The following VPS13D variants were observed in gnomAD, a reference collection of about 807,000 sequenced individuals.
The protein encoded by VPS13D is vacuolar protein sorting 13 homolog D.
A neutral mutation model predicts 461.9 loss-of-function variants in VPS13D; 187 were observed. The observed-to-expected ratio is 0.40, with a 90% CI of 0.36 to 0.46. The LOEUF is 0.46. VPS13D is among the 20% of genes least tolerant of loss of function. The pLI, the probability that VPS13D is intolerant of heterozygous loss-of-function variation, is 0.60. For synonymous variants in VPS13D, 1,951 were observed against 1,986.3 expected (o/e 0.98, Z 0.47); for missense variants, 4,711 against 5,364.9 (o/e 0.88, Z 3.81).
At chr1:12,375,377 T>C (rs545894930) in intron 55 of VPS13D, among the ~76,000 whole-genome samples, 362 of 152,356 alleles carry the variant, frequency 2.4e-3, no homozygotes, top group Middle Eastern at 6.8e-3. Context: ...GTGTGTTTTA[T>C]GTACATATTT....
intron 26 of VPS13D, among the ~76,000 whole-genome samples, chr1:12,306,956 G>C (rs1642583317): frequency 6.6e-6 from 1 of 152,206 alleles, no homozygotes; most frequent in African/African-American, 2.4e-5. Flanking sequence ...ACCTCCTACT[G>C]TGAGTACCTG....
Position 12,342,789 on chromosome 1 carries a change from T to C in VPS13D, c.8733-110T>C. ...TTTGTAGCTAGGTCATGCAGCCTTT[T>C]ATTGCTGGGAATTGAGTTGTGAGAA... On this transcript the variant is annotated intron_variant, in intron 41 of 69. Coordinates refer to ENST00000620676, the MANE Select transcript of VPS13D (RefSeq NM_015378.4). The C allele has an allele frequency of 3.8e-6, 5 of 1,315,064 alleles. No homozygotes were observed. The South Asian group carries it at 9.2e-5, about 24-fold the overall frequency. 81.5% of individuals were successfully genotyped at this position (1,315,064 alleles called of 1,614,324 possible).
rs1051412139 is a variant in VPS13D, at chr1:12,244,101, G to C, written c.176-145G>C. 5 of 743,824 alleles carry C rather than the reference G, an allele frequency of 6.7e-6. No homozygotes were observed. The African/African-American group carries it at 8.9e-5, about 13-fold the overall frequency. The allele number at this position is 743,824 out of a possible 1,614,324, so 46.1% of individuals were successfully genotyped here. On this transcript the variant is annotated intron_variant, in intron 3 of 69. Transcript: ENST00000620676. ...GCCTCCTAACACTTGTTTCACATGT[G>C]CAAGAGCCTGCTGCCTGTTGTTTTA...
chr1:12,354,202 A>G lies in VPS13D; in HGVS notation c.9660A>G (p.Thr3220=). 2 of 1,614,162 alleles carry G rather than the reference A, an allele frequency of 1.2e-6. No homozygotes were observed. The highest frequency in any genetic ancestry group is 1.6e-4 in the Middle Eastern group (1 of 6,062). ...GKEAALHTAD[T]SQNIELGVSL... is the part of the protein sequence containing the mutation. ...AGGCAGCTCTCCATACAGCTGATAC[A>G]TCCCAGAACATTGAGCTGGGTAAGA... is the stretch of plus-strand genomic sequence containing the variant. The change falls in exon 47 of 70, where the codon ACA becomes ACG. Residue 3220 remains threonine (T), a synonymous_variant. Coordinates refer to ENST00000620676, the MANE Select transcript of VPS13D (RefSeq NM_015378.4).
At chr1:12,259,737 A>G (rs999437594) in intron 10 of VPS13D, among the ~76,000 whole-genome samples, 4 of 152,224 alleles carry the variant, frequency 2.6e-5, no homozygotes, top group Admixed American at 6.5e-5. Context: ...AGTTCAGGAC[A>G]GCTAATTCCG....
rs140259348 is a variant in VPS13D at position 12,416,884 on chromosome 1, C to G, written c.12333+57C>G. The G allele has an allele frequency of 8.2e-4, 1,224 of 1,490,320 alleles. 5 individuals carry two copies. The African/African-American group carries it at 0.015, about 19-fold the overall frequency. The allele number at this position is 1,490,320 out of a possible 1,614,324, so 92.3% of individuals were successfully genotyped here. A position where few individuals can be genotyped will look rare whatever the true frequency, so the allele number is the denominator to read the frequency against. On this transcript the variant is annotated intron_variant, in intron 65 of 69. Coordinates refer to ENST00000620676, the MANE Select transcript of VPS13D (RefSeq NM_015378.4). Reference sequence around the variant, plus strand: ...TTAACCTCACGAGTCCTCTACAGTACTACAATTTCTTTTATAGTTAATGGG... The same window carrying G: ...TTAACCTCACGAGTCCTCTACAGTAGTACAATTTCTTTTATAGTTAATGGG...
In VPS13D at chr1:12,358,472, A is replaced by ATCGGAAGG. The variant is rs1379118005; in HGVS notation, c.10013_10020dup (p.Gly3341SerfsTer28). On this transcript the variant is annotated frameshift_variant, in exon 50 of 70. Transcript: ENST00000620676. LOFTEE classifies it high-confidence loss of function. Reference sequence around the variant, plus strand: ...TCTGCCCCACAGCTGCACGATGAGAATCGGAAGGGGGATTCATCCAGAAGG... The same window carrying ATCGGAAGG: ...TCTGCCCCACAGCTGCACGATGAGAATCGGAAGGTCGGAAGGGGGATTCATCCAGAAGG... 1 of 1,614,046 alleles carries ATCGGAAGG rather than the reference A, an allele frequency of 6.2e-7. No individual in the cohort carries two copies. The highest frequency in any genetic ancestry group is 8.5e-7 in the Non-Finnish European group (1 of 1,179,972).
At position 12,356,445 on chromosome 1, in the gene VPS13D, G is replaced by A; in HGVS notation, c.9919G>A (p.Gly3307Ser). ...GGACAATGCCAAGACAGATGCTGCA[G>A]GCCAGTTTGAGGAGCATGAGCTGGC... ...RQDNAKTDAAGQFEEHELARS... is the reference protein window; with the variant it reads ...RQDNAKTDAASQFEEHELARS... Residue 3307 changes from glycine (G) to serine (S), a missense_variant, in exon 49 of 70, where the codon GGC becomes AGC. By Grantham distance (56) the Gly-to-Ser change is moderately conservative (BLOSUM62 0). Transcript: ENST00000620676. 3 of 1,614,092 alleles carry A rather than the reference G, an allele frequency of 1.9e-6. No individual in the cohort carries two copies. Among genetic ancestry groups the A allele is most frequent in the Non-Finnish European group, 2.5e-6 (3 of 1,180,014 alleles).
At position 12,499,554 on chromosome 1, in the gene VPS13D, G is replaced by C. The variant is rs537544445; in HGVS notation, c.12794+1923G>C. 3 of 985,434 alleles carry C rather than the reference G, an allele frequency of 3.0e-6. No individual in the cohort carries two copies. The South Asian group carries it at 1.4e-4, about 46-fold the overall frequency. The allele number at this position is 985,434 out of a possible 1,614,324, so 61.0% of individuals were successfully genotyped here. ...ACACATTGAAAAACAGAGCCAGAGA[G>C]AGCTAAAAACTGGAATCGAAATGAA... On this transcript the variant is annotated intron_variant, in intron 68 of 69. Coordinates refer to ENST00000620676, the MANE Select transcript of VPS13D (RefSeq NM_015378.4).
chr1:12,489,508 T>C (rs948081391), intron 67 of VPS13D, among the ~76,000 whole-genome samples: 2 of 152,234 alleles, frequency 1.3e-5, no homozygotes, highest in Non-Finnish European at 1.5e-5. Context: ...GTGTTATGCA[T>C]GTATGACTTG....
At chr1:12,430,957 C>T (rs1224714457) in intron 65 of VPS13D, among the ~76,000 whole-genome samples, 2 of 152,168 alleles carry the variant, frequency 1.3e-5, no homozygotes, top group Non-Finnish European at 2.9e-5. Flanking sequence ...AATCAATTAA[C>T]GTGACAAACT....
chr1:12,385,349 T>G lies in VPS13D; in HGVS notation c.11460T>G (p.Asn3820Lys). The G allele has an allele frequency of 6.2e-7, 1 of 1,613,758 alleles. No homozygotes were observed. Among genetic ancestry groups the G allele is most frequent in the African/African-American group, 1.3e-5 (1 of 75,030 alleles). The change falls in exon 59 of 70, where the codon AAT (asparagine) becomes AAG (lysine). Residue 3820 changes from asparagine (N) to lysine (K), a missense_variant. Physicochemically the swap from Asn to Lys is moderately conservative, Grantham distance 94. Transcript: ENST00000620676. The part of the protein sequence containing the change: ...VTEQELQKLK[N>K]PDTEQELEVL... ...AACAAGAGCTGCAGAAATTAAAGAA[T>G]CCAGATACAGAGCAGGAATTGGAAG...
chr1:12,373,095 G>GTTTTTTT (rs571503565), intron 54 of VPS13D, among the ~76,000 whole-genome samples: 14 of 37,222 alleles, frequency 3.8e-4, no homozygotes, highest in East Asian at 2.8e-3. Context: ...GTCTGGCTTG[G>GTTTTTTT]TTTTTTTTTT....
rs1030291797 is a variant in VPS13D, at chr1:12,275,852, G to A, written c.2264G>A (p.Gly755Glu). Residue 755 changes from glycine to glutamate, a missense_variant, in exon 19 of 70, where the codon GGG becomes GAG. By Grantham distance (98) the Gly-to-Glu change is moderately conservative. This residue lies in a region of VPS13D where 4,411 missense variants were observed against 4,937.8 expected (regional missense o/e 0.89). Coordinates refer to ENST00000620676, the MANE Select transcript of VPS13D (RefSeq NM_015378.4). ...QDNSRRKSRD[G>E]SASEETQFSD... is the part of the protein sequence containing the mutation. ...AACTCCAGGAGGAAAAGTAGGGATG[G>A]GTCAGCATCTGAAGAGACCCAGTTT... 5.0e-6 allele frequency: 8 copies of A among 1,601,236 alleles called. No individual in the cohort carries two copies. The highest frequency in any genetic ancestry group is 6.8e-6 in the Non-Finnish European group (8 of 1,174,102).
rs370003045 is a variant in VPS13D at position 12,346,655 on chromosome 1, A to T, written c.9069+3A>T. On this transcript the variant is annotated splice_donor_region_variant and intron_variant, in intron 44 of 69. Transcript: ENST00000620676. Reference sequence around the variant, plus strand: ...ATATTATACATCCCCAGGTTTATGTAAGTATGATTTTCCTGTTGTCATTGT... The same window carrying T: ...ATATTATACATCCCCAGGTTTATGTTAGTATGATTTTCCTGTTGTCATTGT... The T allele has an allele frequency of 1.2e-6, 2 of 1,612,708 alleles. No homozygotes were observed. The highest frequency in any genetic ancestry group is 2.2e-5 in the South Asian group (2 of 90,720).
intron 65 of VPS13D, among the ~76,000 whole-genome samples, chr1:12,430,936 A>C (rs1644983553): frequency 6.6e-6 from 1 of 152,246 alleles, no homozygotes; most frequent in Admixed American, 6.5e-5. Flanking sequence ...GCTACAGAAG[A>C]GTTGCTTAGA....
At chr1:12,501,186 AT>A (rs1646030569) in intron 68 of VPS13D, among the ~76,000 whole-genome samples, 1 of 152,194 alleles carries the variant, frequency 6.6e-6, no homozygotes, top group Admixed American at 6.5e-5. Flanking sequence ...TCCTTGAGAA[AT>A]TTCACAGAGA....
chr1:12,317,155 T>G (rs1265643019), intron 30 of VPS13D, among the ~76,000 whole-genome samples: 1 of 152,146 alleles, frequency 6.6e-6, no homozygotes, highest in Non-Finnish European at 1.5e-5. Flanking sequence ...AACTTGGTAT[T>G]ATTTATAAAG....
chr1:12,333,957 C>G (rs1414141012), intron 38 of VPS13D, among the ~76,000 whole-genome samples: 1 of 152,328 alleles, frequency 6.6e-6, no homozygotes, highest in South Asian at 2.1e-4. Context: ...ATCATACAAT[C>G]AAGTAGTGTG....
Sources: allele counts gnomAD v4.1 joint callset (sites outside exome capture counted in the v4.1 genomes callset), GRCh38; gene constraint gnomAD v4.1.1; regional missense constraint gnomAD v4.1.1; transcripts MANE v1.5; gene names NCBI Gene and HGNC (gene_info 2026-07-23, HGNC 2026-07-21).